The following HLCS variants were observed in gnomAD, a reference collection of about 807,000 sequenced individuals.
HLCS encodes the protein holocarboxylase synthetase.
A neutral mutation model predicts 75.0 loss-of-function variants in HLCS; 53 were observed. The observed-to-expected ratio is 0.71, with a 90% CI of 0.57 to 0.89. The LOEUF is 0.89. HLCS is among the 40% of genes least tolerant of loss of function. The pLI is 0.00. For synonymous variants in HLCS, 431 were observed against 428.6 expected, an observed-to-expected ratio of 1.01 and a Z score of -0.07; for missense variants, 966 against 1,074.0, an observed-to-expected ratio of 0.90 and a Z score of 1.41.
chr21:36,792,144 C>T (rs1363897892), intron 6 of HLCS, among the ~76,000 whole-genome samples: 1 of 152,098 alleles, frequency 6.6e-6, no homozygotes, highest in Non-Finnish European at 1.5e-5. Context: ...CCCTAAATCC[C>T]CTTCCCATTA....
rs185767615 is a variant in HLCS, at chr21:36,788,770, T to C, written c.1893-21485A>G. ...GGATGAATAACTTCTTTGGTAAAGA[T>C]GAATGACTCTCACGTCCTAGACACT... On this transcript the variant is annotated intron_variant, in intron 6 of 10. Coordinates refer to ENST00000674895, the MANE Select transcript of HLCS (RefSeq NM_001352514.2). Among the ~76,000 whole-genome samples the C allele has an allele frequency of 2.9e-3, 440 of 152,346 alleles. 3 individuals are homozygous for C. Among genetic ancestry groups the C allele is most frequent in the African/African-American group, 9.8e-3 (408 of 41,578 alleles).
intron 2 of HLCS, among the ~76,000 whole-genome samples, chr21:36,958,006 TCC>T (rs1318282235): frequency 2.7e-5 from 4 of 150,702 alleles, no homozygotes; most frequent in Non-Finnish European, 5.9e-5. Flanking sequence ...GGCAGGTGGA[TCC>T]CAAGGTCAGG....
chr21:36,777,646 G>A (rs1273493879), intron 6 of HLCS, among the ~76,000 whole-genome samples: 2 of 152,174 alleles, frequency 1.3e-5, no homozygotes, highest in African/African-American at 4.8e-5. Flanking sequence ...AAGAGCAGGG[G>A]CAGTTATTTT....
chr21:36,847,306 G>A (rs938206276), intron 6 of HLCS, among the ~76,000 whole-genome samples: 13 of 152,106 alleles, frequency 8.5e-5, no homozygotes, highest in East Asian at 1.9e-4. Flanking sequence ...TATAAACACT[G>A]ATCAATAAAT....
intron 6 of HLCS, among the ~76,000 whole-genome samples, chr21:36,800,843 C>A (rs945942549): frequency 6.6e-6 from 1 of 152,056 alleles, no homozygotes; most frequent in African/African-American, 2.4e-5. Context: ...TATTATGGAA[C>A]CCACCAAGAA....
intron 2 of HLCS, 72 bp from the exon 3 acceptor site, chr21:36,939,066 T>C (rs972186814): frequency 8.6e-6 from 12 of 1,394,012 alleles, no homozygotes; most frequent in Admixed American, 2.1e-5. Context: ...AATAACCACA[T>C]ACTTTATTTT....
At chr21:36,801,534 C>T (rs930610295) in intron 6 of HLCS, among the ~76,000 whole-genome samples, 16 of 152,336 alleles carry the variant, frequency 1.1e-4, no homozygotes, top group Admixed American at 1.0e-3. Context: ...CATTGCAAGG[C>T]ACATGCCCAT....
In HLCS at chr21:36,962,027, G is replaced by A. The variant is rs988547762; in HGVS notation, c.330+9C>T. On this transcript the variant is annotated intron_variant, in intron 2 of 10. Transcript: ENST00000674895. ...TTCCTTATGGGACACAAGTAAACAT[G>A]GTACTCACTGTTTCTGAAGAGGATG... 2 of 1,287,226 alleles carry A rather than the reference G, an allele frequency of 1.6e-6. No homozygotes were observed. Among genetic ancestry groups the A allele is most frequent in the African/African-American group, 3.1e-5 (2 of 65,530 alleles). 79.7% of individuals were successfully genotyped at this position (1,287,226 alleles called of 1,614,324 possible). A position where few individuals can be genotyped will look rare whatever the true frequency, so the allele number is the denominator to read the frequency against.
chr21:36,816,852 G>A (rs1174057105), intron 6 of HLCS, among the ~76,000 whole-genome samples: 1 of 152,184 alleles, frequency 6.6e-6, no homozygotes, highest in Non-Finnish European at 1.5e-5. Flanking sequence ...AGGGAAATTG[G>A]TGGTAAAAAT....
At chr21:36,953,524 G>A (rs1403943132) in intron 2 of HLCS, among the ~76,000 whole-genome samples, 1 of 152,126 alleles carries the variant, frequency 6.6e-6, no homozygotes, top group African/African-American at 2.4e-5. Flanking sequence ...TTGAGCCCCT[G>A]TAGCTCTGGG....
intron 1 of HLCS, 66 bp from the exon 2 acceptor site, chr21:36,962,236 C>T (rs1046346943): frequency 8.7e-7 from 1 of 1,145,238 alleles, no homozygotes; most frequent in Non-Finnish European, 1.2e-6. Context: ...AAATTTCAAC[C>T]CCCTCTGAAA....
At chr21:36,904,918 A>T (rs1452929714) in intron 5 of HLCS, among the ~76,000 whole-genome samples, 2 of 152,230 alleles carry the variant, frequency 1.3e-5, no homozygotes, top group African/African-American at 2.4e-5. Context: ...ACATCAAGAC[A>T]AGTGGGCTGA....
chr21:36,777,402 C>T (rs947812631), intron 6 of HLCS, among the ~76,000 whole-genome samples: 17 of 152,266 alleles, frequency 1.1e-4, no homozygotes, highest in Admixed American at 2.6e-4. Flanking sequence ...TCATGCGGCA[C>T]GAAAACTGGC....
chr21:36,911,306 C>A (rs1474520809), intron 5 of HLCS, among the ~76,000 whole-genome samples: 4 of 152,156 alleles, frequency 2.6e-5, no homozygotes, highest in African/African-American at 9.7e-5. Context: ...TCAGCCCCAG[C>A]AGCAAGCCTG....
chr21:36,984,488 A>G (rs774962461), intron 1 of HLCS, among the ~76,000 whole-genome samples: 2 of 152,234 alleles, frequency 1.3e-5, no homozygotes, highest in African/African-American at 2.4e-5. Context: ...GGACAAAGAG[A>G]TGATTCGTGT....
At chr21:36,942,203 C>A (rs1399229449) in intron 2 of HLCS, among the ~76,000 whole-genome samples, 1 of 151,696 alleles carries the variant, frequency 6.6e-6, no homozygotes, top group African/African-American at 2.4e-5. Context: ...TTAAAAGACT[C>A]AGATTTGCAT....
intron 9 of HLCS, chr21:36,759,047 T>C (rs996128096): frequency 2.1e-6 from 1 of 468,226 alleles, no homozygotes; most frequent in African/African-American, 2.0e-5. Context: ...AGAATAATAT[T>C]GCCCCTTGGT....
At chr21:36,868,560 A>C (rs1348824356) in intron 6 of HLCS, among the ~76,000 whole-genome samples, 1 of 152,122 alleles carries the variant, frequency 6.6e-6, no homozygotes, top group Non-Finnish European at 1.5e-5. Flanking sequence ...TTTTCCTCTA[A>C]GTTTTTCATT....
At chr21:36,988,650 T>C (rs1031360219) in intron 1 of HLCS, among the ~76,000 whole-genome samples, 1 of 152,228 alleles carries the variant, frequency 6.6e-6, no homozygotes, top group African/African-American at 2.4e-5. Flanking sequence ...CTCTAGGAGT[T>C]GGACCATCTT....
Sources: allele counts gnomAD v4.1 joint callset (sites outside exome capture counted in the v4.1 genomes callset), GRCh38; gene constraint gnomAD v4.1.1; transcripts MANE v1.5; gene names NCBI Gene and HGNC (gene_info 2026-07-23, HGNC 2026-07-21).